The following HTR1B variants were observed in gnomAD, a reference collection of about 807,000 sequenced individuals.
HTR1B encodes the protein 5-hydroxytryptamine (serotonin) receptor 1B, G protein-coupled.
A neutral mutation model predicts 25.3 loss-of-function variants in HTR1B; 12 were observed. The ratio of observed to expected loss-of-function variants is 0.47; its 90% CI spans 0.30 to 0.77. The LOEUF (loss-of-function observed/expected upper bound fraction) is 0.77. Among genes scored for constraint, HTR1B ranks in the 30% least tolerant of loss-of-function variants. HTR1B has a pLI of 0.06. For synonymous variants in HTR1B, 224 were observed against 219.1 expected (o/e 1.02, Z -0.20); for missense variants, 453 against 503.0 (o/e 0.90, Z 0.95).
rs1444083909 is a variant in HTR1B, at chr6:77,462,377, C to T, written c.1027G>A (p.Ala343Thr). The T allele has an allele frequency of 6.2e-7, 1 of 1,614,078 alleles. No homozygotes were observed. ...ISLVMPICKD[A>T]CWFHLAIFDF... ...AAGATGGCTAGGTGGAACCAGCAGG[C>T]ATCTTTGCAGATAGGCATCACTAGG... The change falls in exon 1 of 1, where the codon GCC (alanine) becomes ACC (threonine). Residue 343 changes from alanine to threonine, a missense_variant. Around this residue, in one of 3 missense-constraint regions of HTR1B, gnomAD observed 289 missense variants for 319.6 expected, o/e 0.90. Coordinates refer to ENST00000369947, the MANE Select transcript of HTR1B (RefSeq NM_000863.3). This position sits in a 1 kb window ranked among gnomAD's most constrained non-coding sequence, Gnocchi z 4.9.
Position 77,463,084 on chromosome 6 carries a change from GTGC to G in HTR1B, c.317_319del (p.Ser106del), listed in dbSNP as rs1197502830. 1 of 1,614,068 alleles carries G rather than the reference GTGC, an allele frequency of 6.2e-7. No individual in the cohort carries two copies. Among genetic ancestry groups the G allele is most frequent in the African/African-American group, 1.3e-5 (1 of 74,944 alleles). ...CCAGCGGCCGGTGACAGTGTACATG[GTGC>G]TGATGGGCATCACCAGGATGGACAC... On this transcript the variant is annotated inframe_deletion, in exon 1 of 1. Transcript: ENST00000369947.
Position 77,462,672 on chromosome 6 carries a change from G to C in HTR1B, c.732C>G (p.Pro244=). The C allele has an allele frequency of 6.2e-7, 1 of 1,613,514 alleles. No individual in the cohort carries two copies. Among genetic ancestry groups the C allele is most frequent in the Non-Finnish European group, 8.5e-7 (1 of 1,180,030 alleles). The change falls in exon 1 of 1, where the codon CCC becomes CCG. Residue 244 remains proline (P), a synonymous_variant. Coordinates refer to ENST00000369947, the MANE Select transcript of HTR1B (RefSeq NM_000863.3). This position sits in a 1 kb window ranked among gnomAD's most constrained non-coding sequence, Gnocchi z 4.9. ...EARSRILKQT[P]NRTGKRLTRA... is the part of the protein sequence containing the mutation. The stretch of plus-strand genomic sequence containing the variant: ...GGGTCAAGCGCTTGCCGGTCCTGTT[G>C]GGCGTCTGTTTCAAAATCCGGGAGC...
At position 77,461,560 on chromosome 6, in the gene HTR1B, C is replaced by T. The variant is rs1399833778; in HGVS notation, c.*671G>A. On this transcript the variant is annotated 3_prime_UTR_variant, in exon 1 of 1. Coordinates refer to ENST00000369947, the MANE Select transcript of HTR1B (RefSeq NM_000863.3). ...CATCTCCCATTCCCACCCACCCACC[C>T]CCATATAGTTTCAAGTATAATAAAA... Among the ~76,000 whole-genome samples the T allele has an allele frequency of 1.4e-5, 2 of 138,184 alleles. No individual in the cohort carries two copies. Among genetic ancestry groups the T allele is most frequent in the Non-Finnish European group, 3.1e-5 (2 of 63,942 alleles). The allele number at this position is 138,184 out of a possible 152,430, so 90.7% of individuals were successfully genotyped here.
At position 77,463,199 on chromosome 6, in the gene HTR1B, A is replaced by G; in HGVS notation, c.205T>C (p.Phe69Leu). The change falls in exon 1 of 1, where the codon TTT becomes CTT. Residue 69 changes from phenylalanine to leucine, a missense_variant. By Grantham distance (22) the Phe-to-Leu change is conservative. Transcript: ENST00000369947. ...GTCCGGTACACTGTGGCAATCACAA[A>G]GGCATTGGAGAGCGTGGTGGCCAAG... ...ITLATTLSNAFVIATVYRTRK... is the reference protein window; with the variant it reads ...ITLATTLSNALVIATVYRTRK... 1 of 1,614,228 alleles carries G rather than the reference A, an allele frequency of 6.2e-7. No homozygotes were observed. Among genetic ancestry groups the G allele is most frequent in the Non-Finnish European group, 8.5e-7 (1 of 1,180,044 alleles).
In HTR1B at chr6:77,462,066, C is replaced by T; in HGVS notation, c.*165G>A. On this transcript the variant is annotated 3_prime_UTR_variant, in exon 1 of 1. Coordinates refer to ENST00000369947, the MANE Select transcript of HTR1B (RefSeq NM_000863.3). This position sits in a 1 kb window ranked among gnomAD's most constrained non-coding sequence, Gnocchi z 4.9. The stretch of plus-strand genomic sequence containing the variant: ...AGTTTCAACACTTCTCCTTTCAGAG[C>T]TCTCTCTCAGGACTATTCTGGCTTC... 1.7e-6 allele frequency: 1 copy of T among 602,564 alleles called. No homozygotes were observed. The allele number at this position is 602,564 out of a possible 1,614,324, so 37.3% of individuals were successfully genotyped here.
In HTR1B at chr6:77,461,849, AGAC is replaced by A; in HGVS notation, c.*379_*381del. ...TGTAGATCTGTCTCAGACAGGCTTC[AGAC>A]AACAATTACAAGTACACTGCTTCTA... On this transcript the variant is annotated 3_prime_UTR_variant, in exon 1 of 1. Transcript: ENST00000369947. 23 of 200,424 alleles carry A rather than the reference AGAC, an allele frequency of 1.1e-4. No individual in the cohort carries two copies. The highest frequency in any genetic ancestry group is 3.0e-4 in the South Asian group (3 of 10,046). 12.4% of individuals were successfully genotyped at this position (200,424 alleles called of 1,614,324 possible).
At position 77,462,760 on chromosome 6, in the gene HTR1B, C is replaced by A; in HGVS notation, c.644G>T (p.Gly215Val). The A allele has an allele frequency of 6.2e-7, 1 of 1,613,960 alleles. No individual in the cohort carries two copies. Among genetic ancestry groups the A allele is most frequent in the Non-Finnish European group, 8.5e-7 (1 of 1,180,022 alleles). The change falls in exon 1 of 1, where the codon GGT becomes GTT. Residue 215 changes from glycine to valine, a missense_variant. This residue lies in a region of HTR1B where 289 missense variants were observed against 319.6 expected (regional missense o/e 0.90). Transcript: ENST00000369947. The surrounding 1 kb of genome is among the most constrained non-coding windows in gnomAD (Gnocchi z 4.9). ...GAGCAGGGTGGGGAAGTAGAAAGCA[C>A]CCACCGTGGAGTAGACCGTGTAGAG... is the stretch of plus-strand genomic sequence containing the variant. ...HILYTVYSTVGAFYFPTLLLI... is the reference protein window; with the variant it reads ...HILYTVYSTVVAFYFPTLLLI...
chr6:77,462,698 G>C lies in HTR1B; in HGVS notation c.706C>G (p.Arg236Gly). The change falls in exon 1 of 1, where the codon CGC becomes GGC. Residue 236 changes from arginine (R) to glycine (G), a missense_variant. By Grantham distance (125) the Arg-to-Gly change is moderately radical (BLOSUM62 -2). Transcript: ENST00000369947. The surrounding 1 kb of genome is among the most constrained non-coding windows in gnomAD (Gnocchi z 4.9). ...GGCGTCTGTTTCAAAATCCGGGAGC[G>C]GGCTTCTACGTAGATGCGGCCATAG... Reference protein sequence around the residue: ...ALYGRIYVEARSRILKQTPNR... With the variant: ...ALYGRIYVEAGSRILKQTPNR... 1.9e-6 allele frequency: 3 copies of C among 1,613,754 alleles called. No individual in the cohort carries two copies. The highest frequency in any genetic ancestry group is 2.2e-5 in the East Asian group (1 of 44,850).
chr6:77,462,767 T>C lies in HTR1B; in HGVS notation c.637A>G (p.Thr213Ala), dbSNP rs1192153547. Reference protein sequence around the residue: ...TDHILYTVYSTVGAFYFPTLL... With the variant: ...TDHILYTVYSAVGAFYFPTLL... ...GTGGGGAAGTAGAAAGCACCCACCG[T>C]GGAGTAGACCGTGTAGAGGATGTGG... is the stretch of plus-strand genomic sequence containing the variant. Residue 213 changes from threonine (T) to alanine (A), a missense_variant, in exon 1 of 1, where the codon ACG (threonine) becomes GCG (alanine). Physicochemically the swap from Thr to Ala is moderately conservative, Grantham distance 58. Coordinates refer to ENST00000369947, the MANE Select transcript of HTR1B (RefSeq NM_000863.3). This position sits in a 1 kb window ranked among gnomAD's most constrained non-coding sequence, Gnocchi z 4.9. The C allele has an allele frequency of 6.2e-7, 1 of 1,613,944 alleles. No individual in the cohort carries two copies. Among genetic ancestry groups the C allele is most frequent in the South Asian group, 1.1e-5 (1 of 91,070 alleles).
In HTR1B at chr6:77,463,239, T is replaced by C; in HGVS notation, c.165A>G (p.Leu55=). The C allele has an allele frequency of 1.9e-6, 3 of 1,614,218 alleles. No homozygotes were observed. Among genetic ancestry groups the C allele is most frequent in the Non-Finnish European group, 2.5e-6 (3 of 1,180,036 alleles). The stretch of plus-strand genomic sequence containing the variant: ...TGGTGGCCAAGGTGATGAGCGCCAA[T>C]AGCATAACCAGCAGTACTTTCCAGG... The part of the protein sequence containing the change: ...SLPWKVLLVM[L]LALITLATTL... Residue 55 remains leucine, a synonymous_variant, in exon 1 of 1, where the codon CTA becomes CTG. Transcript: ENST00000369947.
In HTR1B at chr6:77,463,098, C is replaced by T; in HGVS notation, c.306G>A (p.Val102=). 6.2e-7 allele frequency: 1 copy of T among 1,614,182 alleles called. No individual in the cohort carries two copies. The highest frequency in any genetic ancestry group is 8.5e-7 in the Non-Finnish European group (1 of 1,180,032). ...CAGTGTACATGGTGCTGATGGGCATCACCAGGATGGACACAAGCAGGTCGG... is the reference window on the plus strand; with the variant it reads ...CAGTGTACATGGTGCTGATGGGCATTACCAGGATGGACACAAGCAGGTCGG... ...AVTDLLVSIL[V]MPISTMYTVT... The change falls in exon 1 of 1, where the codon GTG becomes GTA. Residue 102 remains valine, a synonymous_variant. Coordinates refer to ENST00000369947, the MANE Select transcript of HTR1B (RefSeq NM_000863.3).
In HTR1B at chr6:77,461,802, G is replaced by T. The variant is rs73469290; in HGVS notation, c.*429C>A. The T allele has an allele frequency of 0.028, 4,560 of 162,168 alleles. 141 individuals are homozygous for T. Among genetic ancestry groups the T allele is most frequent in the African/African-American group, 0.078 (3,241 of 41,702 alleles). The allele number at this position is 162,168 out of a possible 1,614,324, so 10.0% of individuals were successfully genotyped here. A position where few individuals can be genotyped will look rare whatever the true frequency, so the allele number is the denominator to read the frequency against. On this transcript the variant is annotated 3_prime_UTR_variant, in exon 1 of 1. Transcript: ENST00000369947. ...AAAAACACAGGGCATTAAGCGTCTA[G>T]TTCAAGTACTGCCAGGCTGTATGTA...
rs199745871 is a variant in HTR1B, at chr6:77,462,753, G to A, written c.651C>T (p.Phe217=). The A allele has an allele frequency of 3.1e-6, 5 of 1,614,034 alleles. No individual in the cohort carries two copies. In the East Asian group the frequency reaches 1.1e-4, roughly 36 times the overall value. Reference sequence around the variant, plus strand: ...CGATGAGGAGCAGGGTGGGGAAGTAGAAAGCACCCACCGTGGAGTAGACCG... The same window carrying A: ...CGATGAGGAGCAGGGTGGGGAAGTAAAAAGCACCCACCGTGGAGTAGACCG... ...LYTVYSTVGA[F]YFPTLLLIAL... is the part of the protein sequence containing the mutation. The change falls in exon 1 of 1, where the codon TTC becomes TTT. Residue 217 remains phenylalanine (F), a synonymous_variant. Transcript: ENST00000369947. The surrounding 1 kb of genome is among the most constrained non-coding windows in gnomAD (Gnocchi z 4.9).
Position 77,463,086 on chromosome 6 carries a change from G to A in HTR1B, c.318C>T (p.Ser106=), listed in dbSNP as rs767548619. 1.9e-6 allele frequency: 3 copies of A among 1,614,184 alleles called. No homozygotes were observed. The highest frequency in any genetic ancestry group is 2.5e-6 in the Non-Finnish European group (3 of 1,180,034). ...AGCGGCCGGTGACAGTGTACATGGT[G>A]CTGATGGGCATCACCAGGATGGACA... ...LLVSILVMPI[S]TMYTVTGRWT... is the part of the protein sequence containing the mutation. The change falls in exon 1 of 1, where the codon AGC becomes AGT. Residue 106 remains serine, a synonymous_variant. Transcript: ENST00000369947.
In HTR1B at chr6:77,462,145, C is replaced by A. The variant is rs949513998; in HGVS notation, c.*86G>T. ...GAGAGCCTCGCTGGGACCCAGAAAC[C>A]GCGAAAGAAGATTCGACCTACCTGT... is the stretch of plus-strand genomic sequence containing the variant. On this transcript the variant is annotated 3_prime_UTR_variant, in exon 1 of 1. Transcript: ENST00000369947. The surrounding 1 kb of genome is among the most constrained non-coding windows in gnomAD (Gnocchi z 4.9). 8.7e-6 allele frequency: 8 copies of A among 917,138 alleles called. No individual in the cohort carries two copies. Among genetic ancestry groups the A allele is most frequent in the Admixed American group, 2.2e-5 (1 of 46,128 alleles). The allele number at this position is 917,138 out of a possible 1,614,324, so 56.8% of individuals were successfully genotyped here.
rs1436360198 is a variant in HTR1B at position 77,463,231 on chromosome 6, A to G, written c.173T>C (p.Leu58Pro). Reference protein sequence around the residue: ...WKVLLVMLLALITLATTLSNA... With the variant: ...WKVLLVMLLAPITLATTLSNA... ...GGAGAGCGTGGTGGCCAAGGTGATG[A>G]GCGCCAATAGCATAACCAGCAGTAC... The change falls in exon 1 of 1, where the codon CTC (leucine) becomes CCC (proline). Residue 58 changes from leucine (L) to proline (P), a missense_variant. Leu to Pro is a moderately conservative substitution (Grantham distance 98, BLOSUM62 -3). Transcript: ENST00000369947. The G allele has an allele frequency of 8.1e-6, 13 of 1,614,226 alleles. No individual in the cohort carries two copies. The highest frequency in any genetic ancestry group is 3.3e-5 in the Admixed American group (2 of 60,032).
In HTR1B at chr6:77,463,176, C is replaced by T; in HGVS notation, c.228G>A (p.Arg76=). The change falls in exon 1 of 1, where the codon CGG becomes CGA. Residue 76 remains arginine, a synonymous_variant. Transcript: ENST00000369947. The part of the protein sequence containing the change: ...SNAFVIATVY[R]TRKLHTPANY... ...TAGCCGGGGTGTGCAGTTTCCGGGT[C>T]CGGTACACTGTGGCAATCACAAAGG... 1 of 1,614,222 alleles carries T rather than the reference C, an allele frequency of 6.2e-7. No individual in the cohort carries two copies. Among genetic ancestry groups the T allele is most frequent in the East Asian group, 2.2e-5 (1 of 44,866 alleles).
At position 77,462,369 on chromosome 6, in the gene HTR1B, C is replaced by A. The variant is rs1411099830; in HGVS notation, c.1035G>T (p.Trp345Cys). Reference protein sequence around the residue: ...LVMPICKDACWFHLAIFDFFT... With the variant: ...LVMPICKDACCFHLAIFDFFT... ...AGAAGTCAAAGATGGCTAGGTGGAA[C>A]CAGCAGGCATCTTTGCAGATAGGCA... is the stretch of plus-strand genomic sequence containing the variant. The change falls in exon 1 of 1, where the codon TGG becomes TGT. Residue 345 changes from tryptophan (W) to cysteine (C), a missense_variant. Physicochemically the swap from Trp to Cys is radical, Grantham distance 215. Around this residue, in one of 3 missense-constraint regions of HTR1B, gnomAD observed 289 missense variants for 319.6 expected, o/e 0.90. Transcript: ENST00000369947. The surrounding 1 kb of genome is among the most constrained non-coding windows in gnomAD (Gnocchi z 4.9). 6.2e-7 allele frequency: 1 copy of A among 1,614,058 alleles called. No homozygotes were observed. The highest frequency in any genetic ancestry group is 1.1e-5 in the South Asian group (1 of 91,078).
rs1015761532 is a variant in HTR1B at position 77,463,138 on chromosome 6, G to A, written c.266C>T (p.Ala89Val). Residue 89 changes from alanine to valine, a missense_variant, in exon 1 of 1, where the codon GCC becomes GTC. By Grantham distance (64) the Ala-to-Val change is moderately conservative (BLOSUM62 0). This residue lies in a region of HTR1B where 129 missense variants were observed against 118.3 expected (regional missense o/e 1.09). Transcript: ENST00000369947. ...AAGCAGGTCGGTGACCGCCAGAGAGGCGATCAGGTAGTTAGCCGGGGTGTG... is the reference window on the plus strand; with the variant it reads ...AAGCAGGTCGGTGACCGCCAGAGAGACGATCAGGTAGTTAGCCGGGGTGTG... ...KLHTPANYLI[A>V]SLAVTDLLVS... is the part of the protein sequence containing the mutation. 2 of 1,614,102 alleles carry A rather than the reference G, an allele frequency of 1.2e-6. No individual in the cohort carries two copies. The highest frequency in any genetic ancestry group is 2.7e-5 in the African/African-American group (2 of 74,948).
Sources: gnomAD v4.1 joint callset for allele counts (sites outside exome capture counted in the v4.1 genomes callset) on GRCh38, gnomAD v4.1.1 for gene constraint, gnomAD v4.1.1 regional missense constraint, Gnocchi (gnomAD v3.1) non-coding constraint, MANE v1.5 for transcripts, NCBI Gene and HGNC (gene_info 2026-07-23, HGNC 2026-07-21) for gene names.